The following MICAL3 variants were observed in gnomAD, a reference collection of about 807,000 sequenced individuals.
MICAL3 encodes [F-actin]-monooxygenase MICAL3.
MICAL3 carries 62 observed loss-of-function variants against 207.4 expected under a neutral mutation model. The ratio of observed to expected loss-of-function variants is 0.30; its 90% CI spans 0.24 to 0.37. MICAL3 has a LOEUF of 0.37. Among genes scored for constraint, MICAL3 ranks in the 10% least tolerant of loss-of-function variants. MICAL3 has a pLI of 1.00. For missense variants in MICAL3, 2,368 were observed against 2,635.6 expected (o/e 0.90, Z 2.22); for synonymous variants, 1,077 against 1,069.3 (o/e 1.01, Z -0.14).
intron 1 of MICAL3, among the ~76,000 whole-genome samples, chr22:17,992,403 T>G (rs1404241238): frequency 1.3e-5 from 2 of 152,200 alleles, no homozygotes; most frequent in Non-Finnish European, 2.9e-5. Context: ...GGCATAAATT[T>G]GCTTAGCACT....
At position 17,879,423 on chromosome 22, in the gene MICAL3, A is replaced by G. The variant is rs1929208624; in HGVS notation, c.2241+6455T>C. On this transcript the variant is annotated intron_variant, in intron 16 of 31. Coordinates refer to ENST00000441493, the MANE Select transcript of MICAL3 (RefSeq NM_015241.3). ...TATGTCTGTTGGCAACAAAGTAGAA[A>G]CTTAAGCTCCATGCATATCGCTCTA... 1.9e-6 allele frequency: 3 copies of G among 1,604,252 alleles called. No individual in the cohort carries two copies. The Admixed American group carries it at 5.2e-5, about 28-fold the overall frequency.
At chr22:17,812,503 C>G (rs1048739924) in intron 27 of MICAL3, 3 of 985,824 alleles carry the variant, frequency 3.0e-6, no homozygotes, top group Non-Finnish European at 2.4e-6. Context: ...GAACGAGACA[C>G]TACCTTTGAT....
chr22:17,902,521 G>T lies in MICAL3; in HGVS notation c.589+110C>A. On this transcript the variant is annotated intron_variant, in intron 4 of 31. Coordinates refer to ENST00000441493, the MANE Select transcript of MICAL3 (RefSeq NM_015241.3). The surrounding 1 kb of genome is among the most constrained non-coding windows in gnomAD (Gnocchi z 4.5). ...CCAAGTCCCCAAAGGCACAGGCTTT[G>T]GCTAGCTCTGGAAGCAGCCCTCAGG... 1 of 629,996 alleles carries T rather than the reference G, an allele frequency of 1.6e-6. No individual in the cohort carries two copies. The highest frequency in any genetic ancestry group is 2.8e-6 in the Non-Finnish European group (1 of 358,096). 39.0% of individuals were successfully genotyped at this position (629,996 alleles called of 1,614,324 possible).
At chr22:18,001,658 T>C (rs2146490641) in intron 1 of MICAL3, among the ~76,000 whole-genome samples, 1 of 152,334 alleles carries the variant, frequency 6.6e-6, no homozygotes, top group East Asian at 1.9e-4. Flanking sequence ...ACTTGCACGC[T>C]CAGTCTTGCC....
At chr22:18,014,782 A>G (rs1465308150) in intron 1 of MICAL3, among the ~76,000 whole-genome samples, 1 of 152,134 alleles carries the variant, frequency 6.6e-6, no homozygotes, top group Non-Finnish European at 1.5e-5. Context: ...GCACGAGGTC[A>G]GGAGATCGAG....
At chr22:17,918,258 C>A (rs948198426) in intron 1 of MICAL3, among the ~76,000 whole-genome samples, 1 of 151,430 alleles carries the variant, frequency 6.6e-6, no homozygotes, top group South Asian at 2.1e-4. Flanking sequence ...TCTGGCCTGG[C>A]GGACAGAACG....
intron 19 of MICAL3, among the ~76,000 whole-genome samples, chr22:17,843,120 CAA>C (rs71966425): frequency 4.9e-4 from 31 of 62,880 alleles, no homozygotes; most frequent in African/African-American, 9.3e-4. Context: ...GACTTCATCT[CAA>C]AAAAAAAAAA....
rs776283268 is a variant in MICAL3 at position 17,904,825 on chromosome 22, C to T, written c.279G>A (p.Gly93=). The T allele has an allele frequency of 6.2e-7, 1 of 1,613,636 alleles. No individual in the cohort carries two copies. Among genetic ancestry groups the T allele is most frequent in the Non-Finnish European group, 8.5e-7 (1 of 1,179,538 alleles). ...ACTNTKCLII[G]AGPCGLRTAI... ...CTGTACGGAGACCACAGGGGCCAGC[C>T]CCAATGATGAGACACTGAAAAACAC... Residue 93 remains glycine, a synonymous_variant, in exon 3 of 32, where the codon GGG becomes GGA. Transcript: ENST00000441493.
rs928462230 is a variant in MICAL3, at chr22:17,819,198, G to T, written c.3532-69C>A. On this transcript the variant is annotated intron_variant, in intron 25 of 31. Coordinates refer to ENST00000441493, the MANE Select transcript of MICAL3 (RefSeq NM_015241.3). Reference sequence around the variant, plus strand: ...TCACGACCAGCAGCATCCTCGGGGAGCCTTCTCACTCAAAGTGCCTGCACC... The same window carrying T: ...TCACGACCAGCAGCATCCTCGGGGATCCTTCTCACTCAAAGTGCCTGCACC... The T allele has an allele frequency of 1.3e-5, 18 of 1,401,618 alleles. No homozygotes were observed. In the South Asian group the frequency reaches 3.6e-4, roughly 28 times the overall value. 86.8% of individuals were successfully genotyped at this position (1,401,618 alleles called of 1,614,324 possible). A position where few individuals can be genotyped will look rare whatever the true frequency, so the allele number is the denominator to read the frequency against.
intron 11 of MICAL3, among the ~76,000 whole-genome samples, chr22:17,892,113 C>T (rs766417892): frequency 6.6e-5 from 10 of 152,244 alleles, no homozygotes; most frequent in Non-Finnish European, 1.3e-4. Flanking sequence ...AGGCCTCGCC[C>T]TTGCACTTCC....
intron 26 of MICAL3, 49 bp from the exon 27 acceptor site, chr22:17,816,833 A>G: frequency 7.4e-7 from 1 of 1,347,570 alleles, no homozygotes; most frequent in Non-Finnish European, 1.0e-6. Flanking sequence ...CAGCAGGCGC[A>G]GCCCTCTCCT....
intron 1 of MICAL3, among the ~76,000 whole-genome samples, chr22:17,942,383 C>T (rs1443856289): frequency 2.6e-5 from 4 of 152,128 alleles, no homozygotes; most frequent in Non-Finnish European, 5.9e-5. Flanking sequence ...GGAGGCTTAT[C>T]CAGTCCTCTG....
intron 1 of MICAL3, among the ~76,000 whole-genome samples, chr22:18,018,920 A>C (rs1382153151): frequency 6.6e-6 from 1 of 151,878 alleles, no homozygotes; most frequent in African/African-American, 2.4e-5. Flanking sequence ...GGCCAGGCAC[A>C]GTGGCTCACG....
At chr22:17,862,782 G>C (rs1926661305) in intron 19 of MICAL3, 1 of 985,478 alleles carries the variant, frequency 1.0e-6, no homozygotes, top group Non-Finnish European at 1.2e-6. Context: ...GCCGGACTAA[G>C]ATGTTCTGGA....
At chr22:17,865,569 A>G (rs981621943) in intron 18 of MICAL3, among the ~76,000 whole-genome samples, 1 of 152,162 alleles carries the variant, frequency 6.6e-6, no homozygotes. Flanking sequence ...GCCCTTCTGG[A>G]GGAGGCTCTA....
rs747834131 is a variant in MICAL3 at position 17,887,346 on chromosome 22, T to C, written c.1981A>G (p.Ile661Val). ...ACCTTGGGAGAACGCTTCCGAGAGA[T>C]GGTCTGGCCAAGTTTGCTTAGGAAG... ...ISFLSKLGQT[I>V]SRKRSPKDKK... Residue 661 changes from isoleucine (I) to valine (V), a missense_variant, in exon 14 of 32, where the codon ATC (isoleucine) becomes GTC (valine). By Grantham distance (29) the Ile-to-Val change is conservative (BLOSUM62 3). Coordinates refer to ENST00000441493, the MANE Select transcript of MICAL3 (RefSeq NM_015241.3). The C allele has an allele frequency of 2.2e-5, 35 of 1,613,814 alleles. 1 individual carries two copies. The East Asian group carries it at 7.6e-4, about 35-fold the overall frequency.
Position 17,906,842 on chromosome 22 carries a change from G to A in MICAL3, c.-30C>T, listed in dbSNP as rs778309654. 90 of 1,542,604 alleles carry A rather than the reference G, an allele frequency of 5.8e-5. No homozygotes were observed. The highest frequency in any genetic ancestry group is 3.7e-4 in the Middle Eastern group (2 of 5,406). ...CCTCACTCTCAGCACTCCCCAGAGG[G>A]GGAGGTGGGATGGCTGTGGGTCCAC... On this transcript the variant is annotated 5_prime_UTR_variant, in exon 2 of 32. Coordinates refer to ENST00000441493, the MANE Select transcript of MICAL3 (RefSeq NM_015241.3).
chr22:17,916,976 T>A (rs1460268824), intron 1 of MICAL3, among the ~76,000 whole-genome samples: 2 of 152,190 alleles, frequency 1.3e-5, no homozygotes, highest in East Asian at 3.9e-4. Flanking sequence ...AATTCCCCTA[T>A]CAGTTGGCAT....
intron 1 of MICAL3, among the ~76,000 whole-genome samples, chr22:17,967,290 T>C (rs894978618): frequency 2.0e-5 from 3 of 152,160 alleles, no homozygotes; most frequent in Non-Finnish European, 2.9e-5. Context: ...ATAAAAAAGC[T>C]ACTAAGAATT....
Sources: allele counts gnomAD v4.1 joint callset (sites outside exome capture counted in the v4.1 genomes callset), GRCh38; gene constraint gnomAD v4.1.1; non-coding constraint Gnocchi (gnomAD v3.1); transcripts MANE v1.5; gene names NCBI Gene and HGNC (gene_info 2026-07-23, HGNC 2026-07-21).